The following GRB2 variants were observed in gnomAD, a reference collection of about 807,000 sequenced individuals.
GRB2 encodes growth factor receptor-bound protein 2.
GRB2 carries 2 observed loss-of-function variants against 27.4 expected under a neutral mutation model. That is an observed-to-expected ratio of 0.07 (90% CI 0.03 to 0.23). The LOEUF is 0.23. GRB2 is among the 10% of genes least tolerant of loss of function. The pLI is 1.00. For missense variants in GRB2, 102 were observed against 282.4 expected (o/e 0.36, Z 4.58); for synonymous variants, 94 against 99.6 (o/e 0.94, Z 0.33).
rs143386250 is a variant in GRB2 at position 75,320,912 on chromosome 17, C to T, written c.469-359G>A. Among the ~76,000 whole-genome samples the T allele has an allele frequency of 1.3e-5, 2 of 152,288 alleles. No homozygotes were observed. Among genetic ancestry groups the T allele is most frequent in the African/African-American group, 4.8e-5 (2 of 41,550 alleles). On this transcript the variant is annotated intron_variant, in intron 5 of 5. Coordinates refer to ENST00000316804, the MANE Select transcript of GRB2 (RefSeq NM_002086.5). This position sits in a 1 kb window ranked among gnomAD's most constrained non-coding sequence, Gnocchi z 4.3. ...CCAGAATCGCAAATCCCTTCTACGA[C>T]ACCCTTAAGGTATTAAAGCCTAAAG...
At position 75,382,380 on chromosome 17, in the gene GRB2, A is replaced by T. The variant is rs552383538; in HGVS notation, c.78+11171T>A. On this transcript the variant is annotated intron_variant, in intron 2 of 5. Coordinates refer to ENST00000316804, the MANE Select transcript of GRB2 (RefSeq NM_002086.5). ...CTATGTTACTGCTAATAATTAATACAGGTTGTATATCCCTTAACTGAATAA... is the reference window on the plus strand; with the variant it reads ...CTATGTTACTGCTAATAATTAATACTGGTTGTATATCCCTTAACTGAATAA... Among the ~76,000 whole-genome samples the T allele has an allele frequency of 4.8e-4, 73 of 152,352 alleles. 1 individual carries two copies. Among genetic ancestry groups the T allele is most frequent in the African/African-American group, 1.7e-3 (71 of 41,582 alleles).
chr17:75,356,494 C>A (rs1214672283), intron 2 of GRB2, among the ~76,000 whole-genome samples: 1 of 152,146 alleles, frequency 6.6e-6, no homozygotes, highest in African/African-American at 2.4e-5. Flanking sequence ...AGTGACAGGG[C>A]AAGACCCTAT....
chr17:75,350,832 T>C (rs546704612), intron 2 of GRB2, among the ~76,000 whole-genome samples: 7 of 152,024 alleles, frequency 4.6e-5, no homozygotes, highest in African/African-American at 1.7e-4. Context: ...TCAGTGTAAG[T>C]AGGCTGTAGT....
At chr17:75,354,565 T>G (rs563532829) in intron 2 of GRB2, among the ~76,000 whole-genome samples, 1 of 152,270 alleles carries the variant, frequency 6.6e-6, no homozygotes, top group East Asian at 1.9e-4. Flanking sequence ...CCTGATGATC[T>G]GAGGTTGAAC....
chr17:75,346,452 C>T (rs558620456), intron 2 of GRB2, among the ~76,000 whole-genome samples: 3 of 151,882 alleles, frequency 2.0e-5, no homozygotes, highest in Non-Finnish European at 4.4e-5. Flanking sequence ...GCCGAGACTG[C>T]GCCACTGCAT....
At position 75,354,255 on chromosome 17, in the gene GRB2, CT is replaced by C. The variant is rs201547642; in HGVS notation, c.79-21459del. Among the ~76,000 whole-genome samples, 264 of 44,492 alleles carry C rather than the reference CT, an allele frequency of 5.9e-3. 4 individuals carry two copies. The highest frequency in any genetic ancestry group is 0.019 in the Middle Eastern group (1 of 52). The allele number at this position is 44,492 out of a possible 152,430, so 29.2% of individuals were successfully genotyped here. A position where few individuals can be genotyped will look rare whatever the true frequency, so the allele number is the denominator to read the frequency against. ...TGTACAAGCAAAGTTTATTCATGGT[CT>C]TTTTTTTTGGGGGGGGGGGGGAGAT... On this transcript the variant is annotated intron_variant, in intron 2 of 5. Coordinates refer to ENST00000316804, the MANE Select transcript of GRB2 (RefSeq NM_002086.5).
rs191821592 is a variant in GRB2, at chr17:75,400,941, C to G, written c.-138+4548G>C. The stretch of plus-strand genomic sequence containing the variant: ...ATCCATGAGCTTGTGTATGGAGTAT[C>G]TACATAAATACCAGGATATATCAAT... On this transcript the variant is annotated intron_variant, in intron 1 of 5. Transcript: ENST00000316804. Among the ~76,000 whole-genome samples the G allele has an allele frequency of 1.8e-3, 278 of 151,816 alleles. 2 individuals are homozygous for G. Among genetic ancestry groups the G allele is most frequent in the Non-Finnish European group, 3.3e-3 (226 of 67,946 alleles).
At chr17:75,364,237 C>T (rs1363915616) in intron 2 of GRB2, among the ~76,000 whole-genome samples, 1 of 152,168 alleles carries the variant, frequency 6.6e-6, no homozygotes, top group Non-Finnish European at 1.5e-5. Context: ...GGGCTTAAAT[C>T]GCCAGCCCAT....
chr17:75,323,204 A>C (rs553008680), intron 4 of GRB2, among the ~76,000 whole-genome samples: 1 of 151,754 alleles, frequency 6.6e-6, no homozygotes, highest in African/African-American at 2.4e-5. Context: ...TCAGTCTTTC[A>C]GCTGATGGAA....
chr17:75,346,285 G>A (rs1045270059), intron 2 of GRB2, among the ~76,000 whole-genome samples: 1 of 151,804 alleles, frequency 6.6e-6, no homozygotes, highest in African/African-American at 2.4e-5. Context: ...CTTGAGGTCA[G>A]GAGTTCAAGA....
intron 3 of GRB2, among the ~76,000 whole-genome samples, chr17:75,328,956 T>TAAATAAAC (rs1404538875): frequency 6.6e-6 from 1 of 151,242 alleles, no homozygotes; most frequent in East Asian, 1.9e-4. Context: ...AATAAATAAA[T>TAAATAAAC]AAATAAATAA....
At position 75,375,673 on chromosome 17, in the gene GRB2, G is replaced by C. The variant is rs146033056; in HGVS notation, c.78+17878C>G. Among the ~76,000 whole-genome samples, 1,150 of 152,010 alleles carry C rather than the reference G, an allele frequency of 7.6e-3. 8 individuals carry two copies. Among genetic ancestry groups the C allele is most frequent in the African/African-American group, 0.026 (1,069 of 41,456 alleles). On this transcript the variant is annotated intron_variant, in intron 2 of 5. Coordinates refer to ENST00000316804, the MANE Select transcript of GRB2 (RefSeq NM_002086.5). ...GAGGCAGGCAGATTAACTGAGGCTA[G>C]GAGTTTGAGACCATCTTGGCAAATA...
At chr17:75,375,833 G>A (rs1598246196) in intron 2 of GRB2, among the ~76,000 whole-genome samples, 1 of 151,602 alleles carries the variant, frequency 6.6e-6, no homozygotes, top group Non-Finnish European at 1.5e-5. Flanking sequence ...AGACCATCCT[G>A]GCTAACACGG....
At chr17:75,392,029 G>C (rs913281504) in intron 2 of GRB2, among the ~76,000 whole-genome samples, 1 of 152,114 alleles carries the variant, frequency 6.6e-6, no homozygotes, top group African/African-American at 2.4e-5. Context: ...ACAGGCTATA[G>C]ATGTGGGCAT....
chr17:75,385,400 G>A (rs556511202), intron 2 of GRB2, among the ~76,000 whole-genome samples: 2 of 152,276 alleles, frequency 1.3e-5, no homozygotes, highest in Admixed American at 1.3e-4. Flanking sequence ...AGCTGGGCAT[G>A]GTGGTAGATG....
rs929666099 is a variant in GRB2, at chr17:75,320,200, G to A, written c.*168C>T. 1.6e-5 allele frequency: 9 copies of A among 572,030 alleles called. No homozygotes were observed. Among genetic ancestry groups the A allele is most frequent in the Non-Finnish European group, 2.8e-5 (9 of 315,990 alleles). 35.4% of individuals were successfully genotyped at this position (572,030 alleles called of 1,614,324 possible). ...AAGTTTTGGCATTTTTAAATCCAAC[G>A]CCCCCTCCCACCCCCTAAAGTTCCA... On this transcript the variant is annotated 3_prime_UTR_variant, in exon 6 of 6. Transcript: ENST00000316804. This position sits in a 1 kb window ranked among gnomAD's most constrained non-coding sequence, Gnocchi z 4.3.
chr17:75,385,963 G>A (rs2078961254), intron 2 of GRB2, among the ~76,000 whole-genome samples: 1 of 151,998 alleles, frequency 6.6e-6, no homozygotes. Flanking sequence ...GAACTGGAAG[G>A]TGCATGCCAC....
At chr17:75,353,311 C>T (rs1420359139) in intron 2 of GRB2, among the ~76,000 whole-genome samples, 1 of 152,020 alleles carries the variant, frequency 6.6e-6, no homozygotes, top group African/African-American at 2.4e-5. Flanking sequence ...GTGGGCTGTG[C>T]ATCCTGTGAA....
At chr17:75,395,105 C>T (rs1324767614) in intron 1 of GRB2, 4 of 152,178 alleles carry the variant, frequency 2.6e-5, no homozygotes, top group Admixed American at 1.3e-4. Flanking sequence ...ATTATTATTC[C>T]TTTGTTCTAA....
Sources: allele counts gnomAD v4.1 joint callset (sites outside exome capture counted in the v4.1 genomes callset), GRCh38; gene constraint gnomAD v4.1.1; non-coding constraint Gnocchi (gnomAD v3.1); transcripts MANE v1.5; gene names NCBI Gene and HGNC (gene_info 2026-07-23, HGNC 2026-07-21).